The following PLXNA4 variants were observed in gnomAD, a reference collection of about 807,000 sequenced individuals.
PLXNA4 encodes plexin A4, also known as plexin-A4.
A neutral mutation model predicts 191.8 loss-of-function variants in PLXNA4; 44 were observed. The ratio of observed to expected loss-of-function variants is 0.23; its 90% confidence interval spans 0.18 to 0.29. PLXNA4 has a LOEUF of 0.29. Among genes scored for constraint, PLXNA4 ranks in the 10% least tolerant of loss-of-function variants. The pLI, the probability that PLXNA4 is intolerant of heterozygous loss-of-function variation, is 1.00. For synonymous variants in PLXNA4, 1,082 were observed against 1,009.5 expected (o/e 1.07, Z -1.36); for missense variants, 1,800 against 2,488.8 (o/e 0.72, Z 5.89).
At chr7:132,267,921 T>C (rs941997191) in intron 4 of PLXNA4, among the ~76,000 whole-genome samples, 7 of 152,210 alleles carry the variant, frequency 4.6e-5, no homozygotes, top group African/African-American at 1.4e-4. Context: ...CTGACTCTAA[T>C]GCACGCACTG....
At chr7:132,434,533 G>A (rs532282709) in intron 3 of PLXNA4, among the ~76,000 whole-genome samples, 5 of 152,312 alleles carry the variant, frequency 3.3e-5, no homozygotes, top group Admixed American at 1.3e-4. Context: ...GCTGTTTCAA[G>A]TCTATCTTAA....
intron 3 of PLXNA4, among the ~76,000 whole-genome samples, chr7:132,420,148 T>A (rs1236461152): frequency 1.3e-5 from 2 of 152,088 alleles, no homozygotes; most frequent in Non-Finnish European, 2.9e-5. Flanking sequence ...TGCCCACGAG[T>A]CAAGGTCAAG....
At chr7:132,485,218 G>A (rs566656563) in intron 3 of PLXNA4, among the ~76,000 whole-genome samples, 7 of 152,256 alleles carry the variant, frequency 4.6e-5, no homozygotes, top group South Asian at 2.1e-4. Flanking sequence ...TGCATGTCCC[G>A]CAACAGGCTA....
At chr7:132,413,985 C>T (rs1265538890) in intron 3 of PLXNA4, among the ~76,000 whole-genome samples, 1 of 152,218 alleles carries the variant, frequency 6.6e-6, no homozygotes, top group Admixed American at 6.5e-5. Flanking sequence ...ACACAAGTCT[C>T]CCAATCATGG....
chr7:132,603,039 A>G (rs372375394), intron 2 of PLXNA4, among the ~76,000 whole-genome samples: 5 of 152,290 alleles, frequency 3.3e-5, no homozygotes, highest in African/African-American at 1.2e-4. Flanking sequence ...AAGAAATACC[A>G]AAAGTACCCA....
intron 4 of PLXNA4, among the ~76,000 whole-genome samples, chr7:132,244,642 TC>T (rs891512282): frequency 6.6e-6 from 1 of 152,020 alleles, no homozygotes; most frequent in African/African-American, 2.4e-5. Context: ...GCCAGGACCT[TC>T]CCAAGGAAGG....
At chr7:132,346,736 A>G (rs1803258980) in intron 3 of PLXNA4, among the ~76,000 whole-genome samples, 1 of 152,222 alleles carries the variant, frequency 6.6e-6, no homozygotes, top group African/African-American at 2.4e-5. Context: ...AACTCTTTTG[A>G]GATACTTAGA....
In PLXNA4 at chr7:132,164,204, C is replaced by T. The variant is rs774839624; in HGVS notation, c.4438G>A (p.Glu1480Lys). Residue 1480 changes from glutamate to lysine, a missense_variant, in exon 24 of 32, where the codon GAG becomes AAG. Transcript: ENST00000321063. ...TCCTCGCTCAAGGAGTAGCGGGCCT[C>T]GCCCGTGATGGCGTCAATGGGGCCC... is the stretch of plus-strand genomic sequence containing the variant. ...EKGPIDAITG[E>K]ARYSLSEDKL... 2 of 1,614,114 alleles carry T rather than the reference C, an allele frequency of 1.2e-6. No homozygotes were observed. The highest frequency in any genetic ancestry group is 1.7e-6 in the Non-Finnish European group (2 of 1,180,052).
rs1797174711 is a variant in PLXNA4 at position 132,194,064 on chromosome 7, T to C, written c.2854A>G (p.Met952Val). ...MARSSQLYYF[M>V]TLTLSDLKPS... ...GATCACTGCTGGCCAAGACTCACCA[T>C]GAAGTAATAGAGCTGTGAGGACCGG... The change falls in exon 14 of 32, where the codon ATG becomes GTG. Residue 952 changes from methionine to valine, a missense_variant and splice_region_variant. This residue lies in a region of PLXNA4 where 1,397 missense variants were observed against 1,880.4 expected (regional missense o/e 0.74). Transcript: ENST00000321063. 1.2e-6 allele frequency: 2 copies of C among 1,613,196 alleles called. No homozygotes were observed. Among genetic ancestry groups the C allele is most frequent in the African/African-American group, 1.3e-5 (1 of 74,916 alleles).
intron 4 of PLXNA4, among the ~76,000 whole-genome samples, chr7:132,288,612 A>C (rs1264863501): frequency 1.3e-5 from 2 of 152,184 alleles, no homozygotes; most frequent in African/African-American, 2.4e-5. Flanking sequence ...CCTGGGTGCC[A>C]GGAGCAAACA....
chr7:132,435,165 A>G (rs1795421977), intron 3 of PLXNA4, among the ~76,000 whole-genome samples: 1 of 152,122 alleles, frequency 6.6e-6, no homozygotes, highest in African/African-American at 2.4e-5. Flanking sequence ...CCACGTCCTC[A>G]TTTAGAATGG....
chr7:132,306,460 G>A (rs534725594), intron 3 of PLXNA4, among the ~76,000 whole-genome samples: 10 of 152,276 alleles, frequency 6.6e-5, no homozygotes, highest in South Asian at 2.1e-4. Flanking sequence ...GTGACCAGCC[G>A]TATCTCTGGC....
Position 132,226,193 on chromosome 7 carries a change from G to T in PLXNA4, c.1950C>A (p.Ser650Arg), listed in dbSNP as rs1175113649. 1.9e-6 allele frequency: 3 copies of T among 1,614,026 alleles called. No homozygotes were observed. The highest frequency in any genetic ancestry group is 2.2e-5 in the South Asian group (2 of 91,078). ...KETGMTFASTSFVFYNCSVHN... is the reference protein window; with the variant it reads ...KETGMTFASTRFVFYNCSVHN... ...GGACGCTGCAATTGTAGAAGACAAAGCTGGTGCTGGCGAAGGTCATGCCGG... is the reference window on the plus strand; with the variant it reads ...GGACGCTGCAATTGTAGAAGACAAATCTGGTGCTGGCGAAGGTCATGCCGG... The change falls in exon 8 of 32, where the codon AGC becomes AGA. Residue 650 changes from serine (S) to arginine (R), a missense_variant. By Grantham distance (110) the Ser-to-Arg change is moderately radical. This residue lies in a region of PLXNA4 where 1,397 missense variants were observed against 1,880.4 expected (regional missense o/e 0.74). Coordinates refer to ENST00000321063, the MANE Select transcript of PLXNA4 (RefSeq NM_020911.2).
chr7:132,367,857 C>T (rs1173431755), intron 3 of PLXNA4: 4 of 152,124 alleles, frequency 2.6e-5, no homozygotes, highest in African/African-American at 7.2e-5. Context: ...ACAACAGACC[C>T]GCCATGCAGG....
intron 3 of PLXNA4, among the ~76,000 whole-genome samples, chr7:132,471,855 C>T (rs1254552175): frequency 1.3e-5 from 2 of 152,180 alleles, no homozygotes; most frequent in Non-Finnish European, 2.9e-5. Flanking sequence ...CAAGCAGGGC[C>T]ACGGCCTTTC....
intron 3 of PLXNA4, among the ~76,000 whole-genome samples, chr7:132,299,271 AAAG>A (rs1328309694): frequency 6.6e-6 from 1 of 152,372 alleles, no homozygotes; most frequent in Non-Finnish European, 1.5e-5. Flanking sequence ...CAATAAAACT[AAAG>A]AAAAAAATTA....
chr7:132,505,201 C>T (rs1421666944), intron 2 of PLXNA4, among the ~76,000 whole-genome samples: 3 of 152,250 alleles, frequency 2.0e-5, no homozygotes, highest in Admixed American at 6.5e-5. Flanking sequence ...CTCCCCGTCC[C>T]GGCATTAGCC....
At chr7:132,151,387 A>AG in intron 25 of PLXNA4, among the ~76,000 whole-genome samples, 2 of 91,956 alleles carry the variant, frequency 2.2e-5, no homozygotes, top group Non-Finnish European at 4.9e-5. Context: ...GAGGAGGAGG[A>AG]GAAAGGAGGA....
intron 23 of PLXNA4, 104 bp downstream of exon 23, chr7:132,165,030 A>T: frequency 6.7e-7 from 1 of 1,487,894 alleles, no homozygotes; most frequent in South Asian, 1.4e-5. Flanking sequence ...GGGTTATAAG[A>T]GCCAGGCCCA....
Sources: gnomAD v4.1 joint callset for allele counts (sites outside exome capture counted in the v4.1 genomes callset) on GRCh38, gnomAD v4.1.1 for gene constraint, gnomAD v4.1.1 regional missense constraint, MANE v1.5 for transcripts, NCBI Gene and HGNC (gene_info 2026-07-23, HGNC 2026-07-21) for gene names.